The following TNKS variants were observed in gnomAD, a reference collection of about 807,000 sequenced individuals.
The protein encoded by TNKS is poly [ADP-ribose] polymerase tankyrase-1.
In TNKS, 72 loss-of-function variants were observed where a neutral mutation model predicts 135.8. The ratio of observed to expected loss-of-function variants is 0.53; its 90% CI spans 0.44 to 0.64. TNKS has a LOEUF of 0.64. Ranked by LOEUF, TNKS falls within the 30% of genes least tolerant of loss-of-function variation. The pLI is 0.00. For synonymous variants in TNKS, 849 were observed against 649.3 expected (o/e 1.31, Z -4.68); for missense variants, 1,769 against 1,674.0 (o/e 1.06, Z -0.99).
At chr8:9,679,368 C>T (rs931055365) in intron 3 of TNKS, among the ~76,000 whole-genome samples, 1 of 152,104 alleles carries the variant, frequency 6.6e-6, no homozygotes, top group Non-Finnish European at 1.5e-5. Context: ...GCATTTGGTA[C>T]GTAGTTCACG....
chr8:9,662,534 G>T (rs974458406), intron 3 of TNKS, among the ~76,000 whole-genome samples: 4 of 152,236 alleles, frequency 2.6e-5, no homozygotes, highest in East Asian at 1.9e-4. Flanking sequence ...TCATAGGTGG[G>T]TATTGAACAA....
At chr8:9,568,806 T>C (rs916700725) in intron 1 of TNKS, among the ~76,000 whole-genome samples, 1 of 141,434 alleles carries the variant, frequency 7.1e-6, no homozygotes, top group Non-Finnish European at 1.6e-5. Context: ...TTTTTTCTCT[T>C]TGATTCTGTA....
At chr8:9,620,985 C>T (rs1485459033) in intron 3 of TNKS, among the ~76,000 whole-genome samples, 1 of 152,190 alleles carries the variant, frequency 6.6e-6, no homozygotes, top group African/African-American at 2.4e-5. Flanking sequence ...GGTCCGATTA[C>T]TGATAATTGG....
chr8:9,719,172 A>G (rs1177503017), intron 11 of TNKS, among the ~76,000 whole-genome samples: 1 of 152,158 alleles, frequency 6.6e-6, no homozygotes, highest in African/African-American at 2.4e-5. Context: ...TTACTATTTC[A>G]TGGGAGTTTT....
chr8:9,671,740 A>G (rs1464533444), intron 3 of TNKS, among the ~76,000 whole-genome samples: 1 of 152,224 alleles, frequency 6.6e-6, no homozygotes, highest in Non-Finnish European at 1.5e-5. Context: ...GAATTTAACT[A>G]TATGTAAATT....
intron 2 of TNKS, among the ~76,000 whole-genome samples, chr8:9,603,750 C>T (rs186136183): frequency 1.3e-5 from 2 of 152,246 alleles, no homozygotes; most frequent in African/African-American, 2.4e-5. Context: ...TCATTCAGTG[C>T]TGAAGATACC....
intron 3 of TNKS, among the ~76,000 whole-genome samples, chr8:9,637,316 G>A (rs1051241585): frequency 6.6e-6 from 1 of 152,158 alleles, no homozygotes; most frequent in Non-Finnish European, 1.5e-5. Flanking sequence ...GACTGGTTCT[G>A]TGTACCAGTT....
chr8:9,688,091 T>C (rs1228665135), intron 5 of TNKS, among the ~76,000 whole-genome samples: 1 of 152,346 alleles, frequency 6.6e-6, no homozygotes, highest in Non-Finnish European at 1.5e-5. Context: ...TGGATGATGT[T>C]TTAATATATG....
chr8:9,583,673 G>C (rs1479905668), intron 2 of TNKS, among the ~76,000 whole-genome samples: 1 of 151,802 alleles, frequency 6.6e-6, no homozygotes, highest in Non-Finnish European at 1.5e-5. Flanking sequence ...ATTTTTATTA[G>C]AGACAGGGTT....
intron 3 of TNKS, among the ~76,000 whole-genome samples, chr8:9,639,918 C>T (rs1040975352): frequency 3.3e-5 from 5 of 152,104 alleles, no homozygotes; most frequent in East Asian, 1.9e-4. Flanking sequence ...AAAGACTAAT[C>T]GGGACGGTTC....
chr8:9,567,147 C>T (rs1489129026), intron 1 of TNKS, among the ~76,000 whole-genome samples: 1 of 152,144 alleles, frequency 6.6e-6, no homozygotes, highest in African/African-American at 2.4e-5. Context: ...TTGGAAAGTA[C>T]AGTAAAAAGT....
At chr8:9,659,467 A>C (rs1801588581) in intron 3 of TNKS, among the ~76,000 whole-genome samples, 1 of 152,206 alleles carries the variant, frequency 6.6e-6, no homozygotes, top group Non-Finnish European at 1.5e-5. Context: ...AAACTGAACA[A>C]CCTGCTCCCT....
At chr8:9,612,810 A>G (rs113254332) in intron 2 of TNKS, among the ~76,000 whole-genome samples, 4,217 of 151,900 alleles carry the variant, frequency 0.028, 186 homozygotes, top group African/African-American at 0.093. Context: ...ATAGCCTACT[A>G]TTGACCAGAA....
chr8:9,728,613 G>C (rs1465406116), intron 13 of TNKS, among the ~76,000 whole-genome samples: 1 of 152,054 alleles, frequency 6.6e-6, no homozygotes, highest in Non-Finnish European at 1.5e-5. Context: ...ACTCCTTAGA[G>C]GGTGTTTATT....
intron 3 of TNKS, among the ~76,000 whole-genome samples, chr8:9,656,611 C>CTTTTTTTTTTTTTTTTTTTTTTTT (rs71201960): frequency 7.3e-6 from 1 of 136,454 alleles, no homozygotes; most frequent in African/African-American, 2.9e-5. Flanking sequence ...AAAGAATTTT[C>CTTTTTTTTTTTTTTTTTTTTTTTT]TTTTTTTTTT....
chr8:9,752,656 T>G lies in TNKS; in HGVS notation c.3153+30T>G, dbSNP rs779356002. 7.1e-6 allele frequency: 10 copies of G among 1,416,640 alleles called. No homozygotes were observed. The South Asian group carries it at 8.2e-5, about 12-fold the overall frequency. The allele number at this position is 1,416,640 out of a possible 1,614,324, so 87.8% of individuals were successfully genotyped here. A position where few individuals can be genotyped will look rare whatever the true frequency, so the allele number is the denominator to read the frequency against. On this transcript the variant is annotated intron_variant, in intron 20 of 26. Transcript: ENST00000310430. ...ATACTCTTGTATATATTTGAGTCAT[T>G]TAAATTAAATACTAAGATTAGGCTG... is the stretch of plus-strand genomic sequence containing the variant.
intron 3 of TNKS, among the ~76,000 whole-genome samples, chr8:9,646,930 G>T (rs35700558): frequency 3.9e-5 from 6 of 151,988 alleles, no homozygotes; most frequent in Non-Finnish European, 8.8e-5. Flanking sequence ...ACTGTCTTTA[G>T]AAAAAGAAAA....
rs1415498572 is a variant in TNKS, at chr8:9,556,608, T to C, written c.669T>C (p.Ala223=). The C allele has an allele frequency of 6.2e-7, 1 of 1,613,416 alleles. No individual in the cohort carries two copies. Among genetic ancestry groups the C allele is most frequent in the Admixed American group, 1.7e-5 (1 of 60,032 alleles). ...AGRKSSPLHF[A]AGFGRKDVVE... The stretch of plus-strand genomic sequence containing the variant: ...GGAAGTCTTCTCCCCTGCACTTCGC[T>C]GCAGGTCAGAGACTTTTGAATTGTT... The change falls in exon 1 of 27, where the codon GCT becomes GCC. Residue 223 remains alanine (A), a synonymous_variant. Coordinates refer to ENST00000310430, the MANE Select transcript of TNKS (RefSeq NM_003747.3).
At position 9,781,072 on chromosome 8, in the gene TNKS, C is replaced by G. The variant is rs564742099; in HGVS notation, c.*4336C>G. The stretch of plus-strand genomic sequence containing the variant: ...TAGAGGAAGCTAATGATTTTATATA[C>G]TTTGCACGACCAAATATGGTCGTAG... On this transcript the variant is annotated 3_prime_UTR_variant, in exon 27 of 27. Coordinates refer to ENST00000310430, the MANE Select transcript of TNKS (RefSeq NM_003747.3). The G allele has an allele frequency of 2.0e-5, 3 of 152,176 alleles. No individual in the cohort carries two copies. The highest frequency in any genetic ancestry group is 4.4e-5 in the Non-Finnish European group (3 of 68,038). 9.4% of individuals were successfully genotyped at this position (152,176 alleles called of 1,614,324 possible). A position where few individuals can be genotyped will look rare whatever the true frequency, so the allele number is the denominator to read the frequency against.
Sources: allele counts gnomAD v4.1 joint callset (sites outside exome capture counted in the v4.1 genomes callset), GRCh38; gene constraint gnomAD v4.1.1; transcripts MANE v1.5; gene names NCBI Gene and HGNC (gene_info 2026-07-23, HGNC 2026-07-21).